The following PDCD10 variants were observed in gnomAD, a reference collection of about 807,000 sequenced individuals.
PDCD10 encodes programmed cell death protein 10.
In PDCD10, 4 loss-of-function variants were observed where a neutral mutation model predicts 29.2. The ratio of observed to expected loss-of-function variants is 0.14; its 90% CI spans 0.07 to 0.31. The LOEUF (loss-of-function observed/expected upper bound fraction) is 0.31, where lower values mean the gene tolerates loss of function less well. Ranked by LOEUF, PDCD10 falls within the 10% of genes least tolerant of loss-of-function variation. The probability of loss-of-function intolerance (pLI) is 1.00; values close to 1 mark genes in which losing one functional copy is unlikely to be tolerated. For missense variants in PDCD10, 183 were observed against 257.9 expected, an observed-to-expected ratio of 0.71 and a Z score of 1.99; for synonymous variants, 70 against 82.2, an observed-to-expected ratio of 0.85 and a Z score of 0.80.
At chr3:167,712,338 TAGAG>T (rs1278635225) in intron 3 of PDCD10, among the ~76,000 whole-genome samples, 2 of 152,044 alleles carry the variant, frequency 1.3e-5, no homozygotes, top group African/African-American at 4.8e-5. Context: ...TAATGAAGTA[TAGAG>T]ATTTTATTAG....
chr3:167,712,668 G>C (rs1414947161), intron 3 of PDCD10, among the ~76,000 whole-genome samples: 1 of 151,840 alleles, frequency 6.6e-6, no homozygotes, highest in East Asian at 1.9e-4. Flanking sequence ...AAGAAAAAGA[G>C]TGGCAAATGG....
At chr3:167,716,268 A>T (rs537406730) in intron 3 of PDCD10, among the ~76,000 whole-genome samples, 1 of 152,052 alleles carries the variant, frequency 6.6e-6, no homozygotes, top group South Asian at 2.1e-4. Context: ...AAGGCTGAGG[A>T]GGATAGTGGG....
chr3:167,721,342 G>A (rs1723541765), intron 2 of PDCD10, among the ~76,000 whole-genome samples: 1 of 152,044 alleles, frequency 6.6e-6, no homozygotes, highest in African/African-American at 2.4e-5. Flanking sequence ...TTGATCCCAG[G>A]ACTCTGAATA....
intron 6 of PDCD10, among the ~76,000 whole-genome samples, chr3:167,692,693 C>T (rs867851154): frequency 1.1e-4 from 16 of 152,096 alleles, no homozygotes; most frequent in Non-Finnish European, 1.6e-4. Context: ...CCAAGGCAGG[C>T]GGATCACAAG....
intron 5 of PDCD10, 21 bp downstream of exon 5, chr3:167,696,984 TAAAC>T: frequency 8.7e-7 from 1 of 1,150,100 alleles, no homozygotes; most frequent in Non-Finnish European, 1.3e-6. Context: ...TTGTATAACT[TAAAC>T]AAGGTTCTTC....
At chr3:167,700,082 TAAAC>T (rs945428008) in intron 4 of PDCD10, among the ~76,000 whole-genome samples, 3 of 152,110 alleles carry the variant, frequency 2.0e-5, no homozygotes, top group African/African-American at 4.8e-5. Context: ...AAAAGAAATA[TAAAC>T]AAATATACAG....
At chr3:167,707,210 A>G (rs924990949) in intron 3 of PDCD10, among the ~76,000 whole-genome samples, 5 of 152,206 alleles carry the variant, frequency 3.3e-5, no homozygotes, top group African/African-American at 1.2e-4. Context: ...TCTTAAAATC[A>G]TCCTCCTGGG....
intron 2 of PDCD10, chr3:167,731,018 T>C (rs1347528517): frequency 6.6e-6 from 1 of 152,122 alleles, no homozygotes; most frequent in Non-Finnish European, 1.5e-5. Flanking sequence ...GAAAAAATTA[T>C]GGATTCTAGA....
intron 3 of PDCD10, among the ~76,000 whole-genome samples, chr3:167,718,288 C>G (rs192778050): frequency 7.9e-4 from 120 of 152,158 alleles, no homozygotes; most frequent in Middle Eastern, 3.4e-3. Context: ...TAGACCCTAA[C>G]AGAAGTATTC....
intron 8 of PDCD10, among the ~76,000 whole-genome samples, chr3:167,685,272 G>A (rs1719472879): frequency 6.6e-6 from 1 of 151,836 alleles, no homozygotes; most frequent in South Asian, 2.1e-4. Context: ...AATTAGCCGG[G>A]CATGGTGGCA....
chr3:167,707,982 G>A (rs1404794041), intron 3 of PDCD10, among the ~76,000 whole-genome samples: 1 of 152,126 alleles, frequency 6.6e-6, no homozygotes, highest in Non-Finnish European at 1.5e-5. Context: ...CACATTTGGA[G>A]ACAATGGATA....
intron 4 of PDCD10, chr3:167,697,741 C>T (rs1167527731): frequency 8.0e-6 from 2 of 250,768 alleles, no homozygotes; most frequent in Non-Finnish European, 1.6e-5. Flanking sequence ...CCTTTTACTA[C>T]CTTTTGAGCT....
intron 4 of PDCD10, among the ~76,000 whole-genome samples, chr3:167,697,688 T>C (rs751368616): frequency 1.3e-5 from 2 of 152,216 alleles, no homozygotes; most frequent in Non-Finnish European, 2.9e-5. Flanking sequence ...TTTATTTTTG[T>C]AGCAAGAATA....
At chr3:167,698,624 A>T (rs974449057) in intron 4 of PDCD10, among the ~76,000 whole-genome samples, 34 of 152,366 alleles carry the variant, frequency 2.2e-4, no homozygotes, top group African/African-American at 8.2e-4. Flanking sequence ...ATGTGTTGTT[A>T]TAGCATTAAT....
chr3:167,720,498 G>A (rs1723458678), intron 2 of PDCD10, among the ~76,000 whole-genome samples: 1 of 152,162 alleles, frequency 6.6e-6, no homozygotes, highest in African/African-American at 2.4e-5. Context: ...ACTTCACAAA[G>A]CAGTGACTTA....
rs760436661 is a variant in PDCD10 at position 167,687,648 on chromosome 3, A to G, written c.441T>C (p.Asn147=). 4 of 1,600,940 alleles carry G rather than the reference A, an allele frequency of 2.5e-6. No individual in the cohort carries two copies. Among genetic ancestry groups the G allele is most frequent in the Admixed American group, 1.7e-5 (1 of 60,004 alleles). ...TCTGGTATTGATATTTCTTGAAGAC[A>G]TTATTCACTGTATCAAGAAGTTCTT... ...AIKELLDTVN[N]VFKKYQYQNR... is the part of the protein sequence containing the mutation. The change falls in exon 7 of 9, where the codon AAT becomes AAC. Residue 147 remains asparagine, a synonymous_variant. Transcript: ENST00000392750.
chr3:167,697,393 T>G (rs1159370833), intron 4 of PDCD10, among the ~76,000 whole-genome samples: 1 of 152,176 alleles, frequency 6.6e-6, no homozygotes, highest in Non-Finnish European at 1.5e-5. Context: ...CTTTTGCAAT[T>G]GAACTAATAA....
chr3:167,723,905 CT>C (rs1680575512), intron 2 of PDCD10, among the ~76,000 whole-genome samples: 1 of 152,172 alleles, frequency 6.6e-6, no homozygotes, highest in Non-Finnish European at 1.5e-5. Context: ...CAAAATAGCA[CT>C]GCTAATTTTT....
chr3:167,710,126 G>A (rs1722384729), intron 3 of PDCD10, among the ~76,000 whole-genome samples: 1 of 152,140 alleles, frequency 6.6e-6, no homozygotes, highest in African/African-American at 2.4e-5. Context: ...ATTCAGACAT[G>A]CTGGTTTCAG....
Sources: allele counts gnomAD v4.1 joint callset (sites outside exome capture counted in the v4.1 genomes callset), GRCh38; gene constraint gnomAD v4.1.1; transcripts MANE v1.5; gene names NCBI Gene and HGNC (gene_info 2026-07-23, HGNC 2026-07-21).